The following PELI2 variants were observed in gnomAD, a reference collection of about 807,000 sequenced individuals.
PELI2 encodes pellino E3 ubiquitin protein ligase family member 2, also known as E3 ubiquitin-protein ligase pellino homolog 2.
Under a neutral mutation model 42.3 loss-of-function variants are expected in PELI2, and 23 were observed. The observed-to-expected ratio is 0.54, with a 90% CI of 0.39 to 0.77. PELI2 has a LOEUF of 0.77. PELI2 is among the 30% of genes least tolerant of loss of function. PELI2 has a pLI of 0.00. For missense variants in PELI2, 463 were observed against 553.2 expected, an observed-to-expected ratio of 0.84 and a Z score of 1.64; for synonymous variants, 245 against 212.2, an observed-to-expected ratio of 1.15 and a Z score of -1.34.
intron 1 of PELI2, among the ~76,000 whole-genome samples, chr14:56,163,629 A>G (rs1884846017): frequency 1.3e-5 from 2 of 151,872 alleles, no homozygotes; most frequent in South Asian, 2.1e-4. Flanking sequence ...TGGTATTTCA[A>G]TAGGGATTTC....
At chr14:56,183,856 A>C (rs1460600933) in intron 2 of PELI2, among the ~76,000 whole-genome samples, 1 of 152,160 alleles carries the variant, frequency 6.6e-6, no homozygotes, top group African/African-American at 2.4e-5. Context: ...AACCTTGTGA[A>C]TGTTTCACAG....
intron 1 of PELI2, among the ~76,000 whole-genome samples, chr14:56,157,213 A>G (rs1444733320): frequency 6.6e-6 from 1 of 152,212 alleles, no homozygotes; most frequent in Non-Finnish European, 1.5e-5. Flanking sequence ...CATTTACTAC[A>G]GAGAGGCTCA....
intron 4 of PELI2, among the ~76,000 whole-genome samples, 154 bp from the exon 5 acceptor site, chr14:56,290,114 T>G (rs888661546): frequency 3.9e-5 from 6 of 152,226 alleles, no homozygotes; most frequent in Non-Finnish European, 8.8e-5. Flanking sequence ...GGATGGCATA[T>G]GTTATCCTTG....
At chr14:56,125,671 G>C (rs1467093422) in intron 1 of PELI2, among the ~76,000 whole-genome samples, 3 of 152,158 alleles carry the variant, frequency 2.0e-5, no homozygotes, top group Admixed American at 1.3e-4. Context: ...AAAAATAGAA[G>C]TGTAAACAAA....
rs945039965 is a variant in PELI2 at position 56,180,498 on chromosome 14, A to G, written c.207+2034A>G. ...AGTGACTTTCCTCCAACCAACTTCT[A>G]TCTCTTTTAAAGGTTTACATTTTCA... On this transcript the variant is annotated intron_variant, in intron 2 of 5. Transcript: ENST00000267460. The surrounding 1 kb of genome is among the most constrained non-coding windows in gnomAD (Gnocchi z 4.4). Among the ~76,000 whole-genome samples, 2 of 152,142 alleles carry G rather than the reference A, an allele frequency of 1.3e-5. No homozygotes were observed. The highest frequency in any genetic ancestry group is 2.9e-5 in the Non-Finnish European group (2 of 68,016).
intron 5 of PELI2, among the ~76,000 whole-genome samples, chr14:56,293,070 C>CT (rs2139903544): frequency 6.6e-6 from 1 of 152,246 alleles, no homozygotes; most frequent in Non-Finnish European, 1.5e-5. Flanking sequence ...CATTAATTGT[C>CT]TTTCCAGTGT....
chr14:56,226,223 A>T (rs1249792453), intron 2 of PELI2, among the ~76,000 whole-genome samples: 2 of 152,124 alleles, frequency 1.3e-5, no homozygotes, highest in African/African-American at 4.8e-5. Context: ...CCCAGCAAGG[A>T]TTTCGCTCCC....
At chr14:56,249,078 C>T (rs1048679017) in intron 2 of PELI2, among the ~76,000 whole-genome samples, 8 of 152,124 alleles carry the variant, frequency 5.3e-5, no homozygotes, top group Admixed American at 2.6e-4. Flanking sequence ...CGTGAATTGG[C>T]CATGGGATAT....
At chr14:56,182,045 G>C (rs557704586) in intron 2 of PELI2, among the ~76,000 whole-genome samples, 2 of 151,998 alleles carry the variant, frequency 1.3e-5, no homozygotes, top group African/African-American at 4.9e-5. Context: ...CATCCACATG[G>C]AGCTAAATGT....
intron 1 of PELI2, among the ~76,000 whole-genome samples, chr14:56,124,829 A>G (rs1883191783): frequency 6.6e-6 from 1 of 152,168 alleles, no homozygotes; most frequent in South Asian, 2.1e-4. Flanking sequence ...CTAGAGATGA[A>G]AACGTGCAGC....
At chr14:56,258,869 C>G (rs1486034321) in intron 2 of PELI2, among the ~76,000 whole-genome samples, 2 of 151,880 alleles carry the variant, frequency 1.3e-5, no homozygotes, top group Non-Finnish European at 2.9e-5. Flanking sequence ...GCTCAGTGAG[C>G]TCTAAAAAGA....
At chr14:56,136,862 T>G (rs1364892400) in intron 1 of PELI2, among the ~76,000 whole-genome samples, 1 of 152,228 alleles carries the variant, frequency 6.6e-6, no homozygotes, top group Non-Finnish European at 1.5e-5. Context: ...AGGTAGACCT[T>G]GGCAGTTTGT....
intron 2 of PELI2, among the ~76,000 whole-genome samples, chr14:56,187,316 C>T (rs1371211049): frequency 6.6e-6 from 1 of 152,124 alleles, no homozygotes; most frequent in Admixed American, 6.5e-5. Flanking sequence ...ATGGAAGTTG[C>T]CTTGTAGACC....
intron 2 of PELI2, among the ~76,000 whole-genome samples, chr14:56,184,973 C>T (rs1370240873): frequency 6.6e-6 from 1 of 152,020 alleles, no homozygotes; most frequent in Non-Finnish European, 1.5e-5. Context: ...CTTACTTCAC[C>T]TGGGATACGG....
intron 1 of PELI2, among the ~76,000 whole-genome samples, chr14:56,125,990 G>A (rs1883244216): frequency 6.6e-6 from 1 of 152,178 alleles, no homozygotes; most frequent in Admixed American, 6.5e-5. Context: ...TAGCACAACT[G>A]CAGTTTTGTA....
chr14:56,143,157 C>T (rs1206435284), intron 1 of PELI2, among the ~76,000 whole-genome samples: 2 of 152,158 alleles, frequency 1.3e-5, no homozygotes, highest in African/African-American at 4.8e-5. Context: ...ATGACCATGA[C>T]TCTTTTGTTG....
chr14:56,134,734 A>T (rs1003886832), intron 1 of PELI2, among the ~76,000 whole-genome samples: 3 of 151,488 alleles, frequency 2.0e-5, no homozygotes, highest in East Asian at 1.9e-4. Flanking sequence ...TCTCTTTTTT[A>T]AAAAAAATCA....
Position 56,197,397 on chromosome 14 carries a change from G to A in PELI2, c.207+18933G>A, listed in dbSNP as rs1296574902. ...GAGGGCTGGTTAGTGGGGAGTTGGA[G>A]CTTGGGATGAGATGAGGGTACAGTC... is the stretch of plus-strand genomic sequence containing the variant. On this transcript the variant is annotated intron_variant, in intron 2 of 5. Coordinates refer to ENST00000267460, the MANE Select transcript of PELI2 (RefSeq NM_021255.3). The surrounding 1 kb of genome is among the most constrained non-coding windows in gnomAD (Gnocchi z 4.9). Among the ~76,000 whole-genome samples, 1 of 152,164 alleles carries A rather than the reference G, an allele frequency of 6.6e-6. No homozygotes were observed. The highest frequency in any genetic ancestry group is 1.5e-5 in the Non-Finnish European group (1 of 68,028).
chr14:56,238,218 G>A (rs1384673490), intron 2 of PELI2, among the ~76,000 whole-genome samples: 1 of 152,094 alleles, frequency 6.6e-6, no homozygotes, highest in Non-Finnish European at 1.5e-5. Flanking sequence ...ACTCTGCTGA[G>A]TTAATATGCC....
Sources: gnomAD v4.1 joint callset for allele counts (sites outside exome capture counted in the v4.1 genomes callset) on GRCh38, gnomAD v4.1.1 for gene constraint, Gnocchi (gnomAD v3.1) non-coding constraint, MANE v1.5 for transcripts, NCBI Gene and HGNC (gene_info 2026-07-23, HGNC 2026-07-21) for gene names.